Variants in SRP72 observed in about 807,000 individuals in gnomAD.
SRP72 encodes the protein signal recognition particle 72.
In SRP72, 49 loss-of-function variants were observed where a neutral mutation model predicts 96.3. The observed-to-expected ratio is 0.51, with a 90% confidence interval of 0.40 to 0.65. The LOEUF (loss-of-function observed/expected upper bound fraction) is 0.65. SRP72 is among the 30% of genes least tolerant of loss of function. SRP72 has a pLI of 0.00. For missense variants in SRP72, 736 were observed against 793.3 expected, an observed-to-expected ratio of 0.93 and a Z score of 0.87; for synonymous variants, 267 against 275.2, an observed-to-expected ratio of 0.97 and a Z score of 0.30.
chr4:56,481,627 A>G (rs1720488926), intron 8 of SRP72, among the ~76,000 whole-genome samples: 1 of 152,072 alleles, frequency 6.6e-6, no homozygotes, highest in Non-Finnish European at 1.5e-5. Flanking sequence ...TGGTACAGAT[A>G]TGTTTCTGAG....
At chr4:56,497,685 G>A (rs757788298) in intron 17 of SRP72, among the ~76,000 whole-genome samples, 3 of 151,510 alleles carry the variant, frequency 2.0e-5, no homozygotes, top group Non-Finnish European at 4.4e-5. Context: ...GAGTATCACC[G>A]AGAATATTCT....
intron 17 of SRP72, among the ~76,000 whole-genome samples, chr4:56,498,964 G>A (rs528075395): frequency 2.5e-4 from 38 of 152,230 alleles, no homozygotes; most frequent in African/African-American, 8.7e-4. Flanking sequence ...AGCCAAGACA[G>A]TCCTAAGCAG....
intron 1 of SRP72, among the ~76,000 whole-genome samples, chr4:56,468,236 C>T (rs889565656): frequency 3.9e-5 from 6 of 152,056 alleles, no homozygotes; most frequent in Non-Finnish European, 8.8e-5. Context: ...GGAAGCTGTA[C>T]GGGTTCTACG....
intron 9 of SRP72, 126 bp from the exon 10 acceptor site, chr4:56,484,610 C>T (rs1286200925): frequency 8.0e-7 from 1 of 1,247,694 alleles, no homozygotes; most frequent in Admixed American, 2.0e-5. Flanking sequence ...GATTCTCTTA[C>T]CCTAGGCAGT....
In SRP72 at chr4:56,497,151, A is replaced by G. The variant is rs113647426; in HGVS notation, c.1678+1757A>G. ...GTTTTAATCTTCTACTTTAGACTGA[A>G]TTGTGAAGAACATTTTTCCAAATTA... On this transcript the variant is annotated intron_variant, in intron 17 of 18. Coordinates refer to ENST00000642900, the MANE Select transcript of SRP72 (RefSeq NM_006947.4). 1.8e-3 allele frequency among the ~76,000 whole-genome samples: 272 copies of G among 152,064 alleles called. 10 individuals are homozygous for G. In the South Asian group the frequency reaches 0.038, roughly 21 times the overall value.
rs57723738 is a variant in SRP72, at chr4:56,490,564, T to C, written c.1425-4T>C. On this transcript the variant is annotated splice_region_variant and splice_polypyrimidine_tract_variant and intron_variant, in intron 14 of 18. Transcript: ENST00000642900. The stretch of plus-strand genomic sequence containing the variant: ...TTCAATAATTTTCTTATTTCTTCTT[T>C]TAGACAAAATCCAAAAGATATTCAC... 714 of 1,613,164 alleles carry C rather than the reference T, an allele frequency of 4.4e-4. 8 individuals carry two copies. In the African/African-American group the frequency reaches 8.6e-3, roughly 19 times the overall value.
At chr4:56,495,245 G>T in intron 16 of SRP72, 112 bp from the exon 17 acceptor site, 1 of 600,772 alleles carries the variant, frequency 1.7e-6, no homozygotes, top group Non-Finnish European at 2.7e-6. Context: ...CTGATACCAA[G>T]TCTTAAACCA....
At chr4:56,482,126 G>A (rs1009258287) in intron 8 of SRP72, among the ~76,000 whole-genome samples, 2 of 147,402 alleles carry the variant, frequency 1.4e-5, no homozygotes, top group Middle Eastern at 3.2e-3. Flanking sequence ...GTATTTTTTA[G>A]CATTGAAGTA....
In SRP72 at chr4:56,469,743, T is replaced by C; in HGVS notation, c.200T>C (p.Val67Ala). 2 of 1,611,654 alleles carry C rather than the reference T, an allele frequency of 1.2e-6. No individual in the cohort carries two copies. The highest frequency in any genetic ancestry group is 1.7e-6 in the Non-Finnish European group (2 of 1,178,186). The change falls in exon 2 of 19, where the codon GTC becomes GCC. Residue 67 changes from valine (V) to alanine (A), a missense_variant. Coordinates refer to ENST00000642900, the MANE Select transcript of SRP72 (RefSeq NM_006947.4). ...QNGSFKEALNVINTHTKVLAN... is the reference protein window; with the variant it reads ...QNGSFKEALNAINTHTKVLAN... Reference sequence around the variant, plus strand: ...GGAAGTTTCAAGGAAGCTTTGAATGTCATCAATACTCACACCAAAGTGTTA... The same window carrying C: ...GGAAGTTTCAAGGAAGCTTTGAATGCCATCAATACTCACACCAAAGTGTTA...
intron 5 of SRP72, chr4:56,476,210 AT>A (rs1422492070): frequency 1.8e-5 from 3 of 163,192 alleles, no homozygotes; most frequent in African/African-American, 7.2e-5. Flanking sequence ...TGAGCCCAGA[AT>A]TTCAAGGCTG....
In SRP72 at chr4:56,502,164, C is replaced by T; in HGVS notation, c.*303C>T. On this transcript the variant is annotated 3_prime_UTR_variant, in exon 19 of 19. Coordinates refer to ENST00000642900, the MANE Select transcript of SRP72 (RefSeq NM_006947.4). The stretch of plus-strand genomic sequence containing the variant: ...TTTGATCTTTTTTCAGTTTCACATA[C>T]CTTATCTAAGGTTTCCCAGGATTTA... 3.7e-6 allele frequency: 1 copy of T among 269,960 alleles called. No homozygotes were observed. The highest frequency in any genetic ancestry group is 4.3e-5 in the South Asian group (1 of 23,084). The allele number at this position is 269,960 out of a possible 1,614,324, so 16.7% of individuals were successfully genotyped here. A position where few individuals can be genotyped will look rare whatever the true frequency, so the allele number is the denominator to read the frequency against.
Position 56,484,759 on chromosome 4 carries a change from T to C in SRP72, c.981T>C (p.Ser327=). The C allele has an allele frequency of 1.2e-6, 2 of 1,614,202 alleles. No homozygotes were observed. Residue 327 remains serine (S), a synonymous_variant, in exon 10 of 19, where the codon TCT becomes TCC. Coordinates refer to ENST00000642900, the MANE Select transcript of SRP72 (RefSeq NM_006947.4). The part of the protein sequence containing the change: ...TNQAEQCRKI[S]ASLQSQSPEH... Reference sequence around the variant, plus strand: ...AGGCTGAACAATGCCGCAAAATATCTGCCAGTTTACAGTCCCAAAGTCCCG... The same window carrying C: ...AGGCTGAACAATGCCGCAAAATATCCGCCAGTTTACAGTCCCAAAGTCCCG...
At chr4:56,488,092 A>C in intron 12 of SRP72, 79 bp downstream of exon 12, 1 of 934,510 alleles carries the variant, frequency 1.1e-6, no homozygotes, top group East Asian at 2.6e-5. Flanking sequence ...CTTTATTTAT[A>C]TGTCGAATGT....
chr4:56,483,627 C>T (rs1720585814), intron 9 of SRP72, among the ~76,000 whole-genome samples: 1 of 151,454 alleles, frequency 6.6e-6, no homozygotes, highest in Admixed American at 6.6e-5. Context: ...TGAGATTGTG[C>T]CACTTCACTC....
At chr4:56,496,275 A>G (rs1386377959) in intron 17 of SRP72, among the ~76,000 whole-genome samples, 1 of 152,218 alleles carries the variant, frequency 6.6e-6, no homozygotes, top group Non-Finnish European at 1.5e-5. Context: ...GGCTTAGCTC[A>G]GTTTATTATT....
intron 3 of SRP72, among the ~76,000 whole-genome samples, chr4:56,472,432 G>C (rs1266000190): frequency 6.7e-6 from 1 of 149,020 alleles, no homozygotes; most frequent in East Asian, 2.0e-4. Flanking sequence ...TGCAGCCTCT[G>C]ACTCCCAGGT....
In SRP72 at chr4:56,488,032, A is replaced by G. The variant is rs1420288167; in HGVS notation, c.1224+19A>G. 2.6e-6 allele frequency: 4 copies of G among 1,566,034 alleles called. No individual in the cohort carries two copies. Among genetic ancestry groups the G allele is most frequent in the South Asian group, 1.2e-5 (1 of 84,934 alleles). On this transcript the variant is annotated intron_variant, in intron 12 of 18. Coordinates refer to ENST00000642900, the MANE Select transcript of SRP72 (RefSeq NM_006947.4). ...AGGCATGGTGAGTTTTAAAAATTAC[A>G]AAATTGAAAAGTAGTTGAATTGATA...
At chr4:56,481,908 G>A (rs1720505180) in intron 8 of SRP72, among the ~76,000 whole-genome samples, 1 of 151,092 alleles carries the variant, frequency 6.6e-6, no homozygotes, top group South Asian at 2.1e-4. Context: ...TGGGACTAGC[G>A]TGTGCCACCA....
At position 56,476,637 on chromosome 4, in the gene SRP72, C is replaced by G. The variant is rs141221689; in HGVS notation, c.611-34C>G. On this transcript the variant is annotated intron_variant, in intron 5 of 18. Coordinates refer to ENST00000642900, the MANE Select transcript of SRP72 (RefSeq NM_006947.4). ...AGTGAAAGAAATGGGATTTACCCAG[C>G]AATACTACTTTTAAAACAATTTTTC... The G allele has an allele frequency of 1.8e-4, 289 of 1,608,816 alleles. 1 individual carries two copies. In the African/African-American group the frequency reaches 3.1e-3, roughly 17 times the overall value.
Sources: allele counts gnomAD v4.1 joint callset (sites outside exome capture counted in the v4.1 genomes callset), GRCh38; gene constraint gnomAD v4.1.1; transcripts MANE v1.5; gene names NCBI Gene and HGNC (gene_info 2026-07-23, HGNC 2026-07-21).